ITPKA: variants seen among roughly 807,000 people sequenced by gnomAD.
ITPKA encodes the protein inositol-trisphosphate 3-kinase A, also known as IP3 3-kinase A.
ITPKA carries 16 observed loss-of-function variants against 40.7 expected under a neutral mutation model. The observed-to-expected ratio is 0.39, with a 90% CI of 0.27 to 0.60. ITPKA has a LOEUF of 0.60. Among genes scored for constraint, ITPKA ranks in the 20% least tolerant of loss-of-function variants. The probability of loss-of-function intolerance (pLI) is 0.50; values close to 1 mark genes in which losing one functional copy is unlikely to be tolerated. For synonymous variants in ITPKA, 313 were observed against 289.9 expected (o/e 1.08, Z -0.81); for missense variants, 540 against 649.3 (o/e 0.83, Z 1.83).
chr15:41,496,639 TTTC>T (rs1427253475), intron 1 of ITPKA, among the ~76,000 whole-genome samples: 1 of 152,122 alleles, frequency 6.6e-6, no homozygotes, highest in Non-Finnish European at 1.5e-5. Context: ...TTCATCTGGT[TTTC>T]TTCTTTCTGT....
In ITPKA at chr15:41,501,695, G is replaced by T. The variant is rs1341556752; in HGVS notation, c.647G>T (p.Arg216Leu). 6.2e-7 allele frequency: 1 copy of T among 1,610,312 alleles called. No individual in the cohort carries two copies. Among genetic ancestry groups the T allele is most frequent in the African/African-American group, 1.3e-5 (1 of 75,002 alleles). The change falls in exon 3 of 7, where the codon CGC (arginine) becomes CTC (leucine). Residue 216 changes from arginine (R) to leucine (L), a missense_variant. Physicochemically the swap from Arg to Leu is moderately radical, Grantham distance 102. Transcript: ENST00000260386. Reference protein sequence around the residue: ...LILKRCSEPERYCLARLMADA... With the variant: ...LILKRCSEPELYCLARLMADA... ...CTGAAGCGCTGCTCGGAGCCGGAGCGCTACTGCCTGGCGCGGCTGATGGCT... is the reference window on the plus strand; with the variant it reads ...CTGAAGCGCTGCTCGGAGCCGGAGCTCTACTGCCTGGCGCGGCTGATGGCT...
Position 41,503,315 on chromosome 15 carries a change from G to T in ITPKA, c.*149G>T. The T allele has an allele frequency of 1.5e-6, 1 of 650,184 alleles. No homozygotes were observed. The highest frequency in any genetic ancestry group is 2.6e-6 in the Non-Finnish European group (1 of 381,786). 40.3% of individuals were successfully genotyped at this position (650,184 alleles called of 1,614,324 possible). A position where few individuals can be genotyped will look rare whatever the true frequency, so the allele number is the denominator to read the frequency against. ...ACCAGGTGCCAGCCACTAAGGGGGG[G>T]CACCGCCGATGCCAGGGGTTTTGCC... On this transcript the variant is annotated 3_prime_UTR_variant, in exon 7 of 7. Transcript: ENST00000260386.
Position 41,502,718 on chromosome 15 carries a change from C to A in ITPKA, c.1111-70C>A, listed in dbSNP as rs1245102556. The A allele has an allele frequency of 3.6e-6, 5 of 1,396,860 alleles. No individual in the cohort carries two copies. The African/African-American group carries it at 4.3e-5, about 12-fold the overall frequency. The allele number at this position is 1,396,860 out of a possible 1,614,324, so 86.5% of individuals were successfully genotyped here. A position where few individuals can be genotyped will look rare whatever the true frequency, so the allele number is the denominator to read the frequency against. ...GCCAAGCACAGCGTGGGTCCCGGCT[C>A]CTCATCGTTAGCAGGGGCTCATTTG... On this transcript the variant is annotated intron_variant, in intron 5 of 6. Coordinates refer to ENST00000260386, the MANE Select transcript of ITPKA (RefSeq NM_002220.3).
intron 1 of ITPKA, chr15:41,501,223 T>C: frequency 1.4e-6 from 1 of 736,002 alleles, no homozygotes; most frequent in South Asian, 6.1e-5. Flanking sequence ...CTTCAGATGC[T>C]AAGTCCAGGC....
rs2051139851 is a variant in ITPKA, at chr15:41,503,420, C to G, written c.*254C>G. ...GGGGCAAAGGGCTTCTTCCTCAGGC[C>G]AGCTCTTCTGAGGAGGCTCTGCCCT... On this transcript the variant is annotated 3_prime_UTR_variant, in exon 7 of 7. Transcript: ENST00000260386. The G allele has an allele frequency of 6.7e-6, 4 of 594,734 alleles. No homozygotes were observed. Among genetic ancestry groups the G allele is most frequent in the South Asian group, 3.6e-5 (2 of 55,582 alleles). The allele number at this position is 594,734 out of a possible 1,614,324, so 36.8% of individuals were successfully genotyped here.
rs776671770 is a variant in ITPKA at position 41,502,875 on chromosome 15, C to T, written c.1182+16C>T. 10 of 1,610,366 alleles carry T rather than the reference C, an allele frequency of 6.2e-6. No homozygotes were observed. Among genetic ancestry groups the T allele is most frequent in the Admixed American group, 1.7e-5 (1 of 59,750 alleles). ...GAGGCACGAGGTAAGCGGCGGCTGC[C>T]CGGGTGCCCGGGCCGCGAGGGCTAG... is the stretch of plus-strand genomic sequence containing the variant. On this transcript the variant is annotated intron_variant, in intron 6 of 6. Transcript: ENST00000260386.
chr15:41,499,641 T>C (rs545435904), intron 1 of ITPKA, among the ~76,000 whole-genome samples: 3 of 152,298 alleles, frequency 2.0e-5, no homozygotes, highest in Admixed American at 2.0e-4. Context: ...CTCTTAGAAC[T>C]CCCTCTTGTC....
Position 41,503,515 on chromosome 15 carries a change from G to A in ITPKA, c.*349G>A. 2 of 598,074 alleles carry A rather than the reference G, an allele frequency of 3.3e-6. No individual in the cohort carries two copies. Among genetic ancestry groups the A allele is most frequent in the East Asian group, 4.0e-5 (1 of 24,980 alleles). 37.0% of individuals were successfully genotyped at this position (598,074 alleles called of 1,614,324 possible). ...CTTCCGGTCTAACGTCTCACACCAC[G>A]ACGGACTCCCCTTCCTAATAAAACT... On this transcript the variant is annotated 3_prime_UTR_variant, in exon 7 of 7. Coordinates refer to ENST00000260386, the MANE Select transcript of ITPKA (RefSeq NM_002220.3).
rs555238488 is a variant in ITPKA at position 41,494,449 on chromosome 15, C to A, written c.489+33C>A. 4 of 1,362,914 alleles carry A rather than the reference C, an allele frequency of 2.9e-6. No individual in the cohort carries two copies. In the South Asian group the frequency reaches 4.8e-5, roughly 16 times the overall value. The allele number at this position is 1,362,914 out of a possible 1,614,324, so 84.4% of individuals were successfully genotyped here. On this transcript the variant is annotated intron_variant, in intron 1 of 6. Transcript: ENST00000260386. This position sits in a 1 kb window ranked among gnomAD's most constrained non-coding sequence, Gnocchi z 7.8. ...CCGCGGGGGCGGGGCCAGCGCCGGG[C>A]GCGGGGGCTGCACGGGGGACCTGGC...
At position 41,495,354 on chromosome 15, in the gene ITPKA, C is replaced by T. The variant is rs905967593; in HGVS notation, c.489+938C>T. On this transcript the variant is annotated intron_variant, in intron 1 of 6. Transcript: ENST00000260386. ...GGCCGAGGAAGAGGCGAGGGGCGCCCCCGGCCTCGGGCGTCTGGGGCCTGC... is the reference window on the plus strand; with the variant it reads ...GGCCGAGGAAGAGGCGAGGGGCGCCTCCGGCCTCGGGCGTCTGGGGCCTGC... Among the ~76,000 whole-genome samples the T allele has an allele frequency of 9.2e-5, 14 of 152,328 alleles. No homozygotes were observed. The South Asian group carries it at 1.4e-3, about 16-fold the overall frequency.
Position 41,493,958 on chromosome 15 carries a change from G to T in ITPKA, c.31G>T (p.Ala11Ser). 9.6e-7 allele frequency: 1 copy of T among 1,045,506 alleles called. No homozygotes were observed. Among genetic ancestry groups the T allele is most frequent in the South Asian group, 4.4e-5 (1 of 22,550 alleles). 64.8% of individuals were successfully genotyped at this position (1,045,506 alleles called of 1,614,324 possible). A position where few individuals can be genotyped will look rare whatever the true frequency, so the allele number is the denominator to read the frequency against. MTLPGGPTGM[A>S]RPGGARPCSP... ...CCTGCCCGGGGGCCCAACGGGCATG[G>T]CGCGGCCGGGGGGCGCGAGGCCCTG... Residue 11 changes from alanine to serine, a missense_variant, in exon 1 of 7, where the codon GCG becomes TCG. Ala to Ser is a moderately conservative substitution (Grantham distance 99). Coordinates refer to ENST00000260386, the MANE Select transcript of ITPKA (RefSeq NM_002220.3).
chr15:41,502,889 C>A (rs766086975), intron 6 of ITPKA, 30 bp downstream of exon 6: 1 of 1,608,904 alleles, frequency 6.2e-7, no homozygotes. Flanking sequence ...GTGCCCGGGC[C>A]GCGAGGGCTA....
chr15:41,501,379 C>T, intron 1 of ITPKA, 84 bp from the exon 2 acceptor site: 1 of 1,528,560 alleles, frequency 6.5e-7, no homozygotes, highest in Middle Eastern at 1.7e-4. Context: ...GGGTCGGGGG[C>T]GTGGCGAGAC....
rs1202169417 is a variant in ITPKA at position 41,499,784 on chromosome 15, T to TG, written c.490-1678dup. On this transcript the variant is annotated intron_variant, in intron 1 of 6. Transcript: ENST00000260386. ...CAGAGAGGACACAGGGCTGCCGAGTTGCGGGTGGTAAGAGGAGAGGTCCAG... is the reference window on the plus strand; with the variant it reads ...CAGAGAGGACACAGGGCTGCCGAGTTGGCGGGTGGTAAGAGGAGAGGTCCAG... Among the ~76,000 whole-genome samples, 12 of 152,128 alleles carry TG rather than the reference T, an allele frequency of 7.9e-5. No homozygotes were observed. In the South Asian group the frequency reaches 2.5e-3, roughly 32 times the overall value.
chr15:41,501,247 C>CT, intron 1 of ITPKA: 1 of 898,790 alleles, frequency 1.1e-6, no homozygotes, highest in Non-Finnish European at 1.3e-6. Flanking sequence ...TGACAGCTCA[C>CT]TGGAGACGCT....
Position 41,494,408 on chromosome 15 carries a change from G to A in ITPKA, c.481G>A (p.Val161Met), listed in dbSNP as rs1165812533. Residue 161 changes from valine to methionine, a missense_variant, in exon 1 of 7, where the codon GTG becomes ATG. Physicochemically the swap from Val to Met is conservative, Grantham distance 21. Coordinates refer to ENST00000260386, the MANE Select transcript of ITPKA (RefSeq NM_002220.3). The surrounding 1 kb of genome is among the most constrained non-coding windows in gnomAD (Gnocchi z 7.8). ...GNVQLEAGEDVGQKNHWQKIR... is the reference protein window; with the variant it reads ...GNVQLEAGEDMGQKNHWQKIR... ...CGTGCAGCTGGAAGCGGGCGAGGAC[G>A]TGGGTCAGGTACGGGCCGCGGGGGC... 3 of 1,470,416 alleles carry A rather than the reference G, an allele frequency of 2.0e-6. No homozygotes were observed. Among genetic ancestry groups the A allele is most frequent in the Non-Finnish European group, 1.8e-6 (2 of 1,112,004 alleles). The allele number at this position is 1,470,416 out of a possible 1,614,324, so 91.1% of individuals were successfully genotyped here.
chr15:41,502,852 G>A lies in ITPKA; in HGVS notation c.1175G>A (p.Arg392Lys), dbSNP rs201490754. The A allele has an allele frequency of 6.1e-5, 99 of 1,612,910 alleles. No individual in the cohort carries two copies. In the Admixed American group the frequency reaches 7.8e-4, roughly 13 times the overall value. Residue 392 changes from arginine to lysine, a missense_variant, in exon 6 of 7, where the codon AGG (arginine) becomes AAG (lysine). Coordinates refer to ENST00000260386, the MANE Select transcript of ITPKA (RefSeq NM_002220.3). The part of the protein sequence containing the change: ...DTLEVSEFFR[R>K]HEVIGSSLLF... ...CTGGAGGTATCCGAGTTCTTCAGGA[G>A]GCACGAGGTAAGCGGCGGCTGCCCG...
At chr15:41,496,250 A>G (rs1213541854) in intron 1 of ITPKA, among the ~76,000 whole-genome samples, 1 of 152,196 alleles carries the variant, frequency 6.6e-6, no homozygotes, top group Non-Finnish European at 1.5e-5. Flanking sequence ...GGCAGGAAGC[A>G]AGGCTGGTCC....
chr15:41,497,682 C>T (rs1338081929), intron 1 of ITPKA, among the ~76,000 whole-genome samples: 1 of 152,000 alleles, frequency 6.6e-6, no homozygotes, highest in Non-Finnish European at 1.5e-5. Flanking sequence ...TCATAGCAAC[C>T]TCAGGTGGTA....
Sources: allele counts gnomAD v4.1 joint callset (sites outside exome capture counted in the v4.1 genomes callset), GRCh38; gene constraint gnomAD v4.1.1; non-coding constraint Gnocchi (gnomAD v3.1); transcripts MANE v1.5; gene names NCBI Gene and HGNC (gene_info 2026-07-23, HGNC 2026-07-21).